The following GRM7 variants were observed in gnomAD, a reference collection of about 807,000 sequenced individuals.
GRM7 encodes metabotropic glutamate receptor 7.
A neutral mutation model predicts 84.5 loss-of-function variants in GRM7; 35 were observed. The ratio of observed to expected loss-of-function variants is 0.41; its 90% CI spans 0.32 to 0.55. The LOEUF (loss-of-function observed/expected upper bound fraction) is 0.55, where lower values mean the gene tolerates loss of function less well. GRM7 is among the 20% of genes least tolerant of loss of function. GRM7 has a pLI of 0.19. For missense variants in GRM7, 1,003 were observed against 1,194.6 expected (o/e 0.84, Z 2.36); for synonymous variants, 487 against 455.1 (o/e 1.07, Z -0.89).
chr3:7,102,644 C>G (rs1163792168), intron 1 of GRM7, among the ~76,000 whole-genome samples: 1 of 151,692 alleles, frequency 6.6e-6, no homozygotes, highest in African/African-American at 2.4e-5. Flanking sequence ...TTTTTCTACA[C>G]CATTCTGTTT....
At chr3:7,565,556 A>G (rs1385887070) in intron 7 of GRM7, among the ~76,000 whole-genome samples, 4 of 152,228 alleles carry the variant, frequency 2.6e-5, no homozygotes, top group Non-Finnish European at 5.9e-5. Flanking sequence ...GTGGGCCAGG[A>G]AACTTCATAG....
chr3:7,528,892 T>C (rs1700917771), intron 7 of GRM7, among the ~76,000 whole-genome samples: 1 of 152,078 alleles, frequency 6.6e-6, no homozygotes, highest in Non-Finnish European at 1.5e-5. Context: ...CTTGGTATGA[T>C]TTAGTTTTTT....
At chr3:7,491,801 G>T (rs1243125554) in intron 7 of GRM7, among the ~76,000 whole-genome samples, 1 of 152,190 alleles carries the variant, frequency 6.6e-6, no homozygotes, top group African/African-American at 2.4e-5. Flanking sequence ...GGAAACACTG[G>T]ATATGGTTCT....
At chr3:7,177,092 A>G (rs890344142) in intron 2 of GRM7, among the ~76,000 whole-genome samples, 5 of 151,598 alleles carry the variant, frequency 3.3e-5, no homozygotes, top group African/African-American at 1.2e-4. Context: ...ATTCTCTATC[A>G]CTTCTACAGA....
intron 1 of GRM7, among the ~76,000 whole-genome samples, chr3:7,128,915 A>C (rs1017559929): frequency 1.3e-5 from 2 of 152,126 alleles, no homozygotes; most frequent in African/African-American, 4.8e-5. Context: ...AAACTATCAT[A>C]AAGTTGCTTT....
chr3:7,665,411 G>A (rs553681720), intron 8 of GRM7, among the ~76,000 whole-genome samples: 10 of 151,874 alleles, frequency 6.6e-5, no homozygotes, highest in African/African-American at 1.7e-4. Flanking sequence ...TCCTGACCTC[G>A]TGATCCACCC....
Position 7,699,614 on chromosome 3 carries a change from A to AT in GRM7, c.2698+19327dup, listed in dbSNP as rs933945990. Among the ~76,000 whole-genome samples, 7 of 151,812 alleles carry AT rather than the reference A, an allele frequency of 4.6e-5. No homozygotes were observed. The South Asian group carries it at 6.2e-4, about 14-fold the overall frequency. ...TTCATCCATTTTCAAAAATTAGCGA[A>AT]TTTTTTTTCTTTTCTGCTACTTATT... On this transcript the variant is annotated intron_variant, in intron 9 of 9. Transcript: ENST00000357716.
intron 5 of GRM7, among the ~76,000 whole-genome samples, chr3:7,421,869 A>G (rs1320723320): frequency 6.6e-6 from 1 of 150,854 alleles, no homozygotes; most frequent in Non-Finnish European, 1.5e-5. Flanking sequence ...TTTAAAAAAT[A>G]GGGCCAAATC....
At chr3:7,440,763 G>A (rs1479404629) in intron 5 of GRM7, among the ~76,000 whole-genome samples, 1 of 152,114 alleles carries the variant, frequency 6.6e-6, no homozygotes, top group Non-Finnish European at 1.5e-5. Context: ...TTCTGTTCCT[G>A]TTTTAGTGTG....
chr3:7,240,124 T>TTTTTTTTG (rs1697498481), intron 2 of GRM7, among the ~76,000 whole-genome samples: 1 of 132,288 alleles, frequency 7.6e-6, no homozygotes, highest in African/African-American at 3.1e-5. Context: ...TGTGAGGTTT[T>TTTTTTTTG]TTTTTTTTTT....
chr3:7,526,006 C>T (rs1700792552), intron 7 of GRM7, among the ~76,000 whole-genome samples: 1 of 151,892 alleles, frequency 6.6e-6, no homozygotes, highest in Non-Finnish European at 1.5e-5. Context: ...CTGTGAAAAA[C>T]ATATGAGTAC....
At chr3:7,693,320 T>TA (rs1309395240) in intron 9 of GRM7, among the ~76,000 whole-genome samples, 4 of 152,110 alleles carry the variant, frequency 2.6e-5, no homozygotes, top group South Asian at 2.1e-4. Context: ...TTGCTAACAT[T>TA]AAAAAATGGC....
In GRM7 at chr3:6,924,699, T is replaced by C. The variant is rs566548153; in HGVS notation, c.519+62792T>C. On this transcript the variant is annotated intron_variant, in intron 1 of 9. Transcript: ENST00000357716. ...AAATTTTACATAGAAGCCAGTTTTA[T>C]AGATATATATAAACACTGTAAGAGG... is the stretch of plus-strand genomic sequence containing the variant. Among the ~76,000 whole-genome samples, 16 of 152,292 alleles carry C rather than the reference T, an allele frequency of 1.1e-4. 1 individual carries two copies. In the South Asian group the frequency reaches 3.1e-3, roughly 30 times the overall value.
At chr3:7,013,063 A>G (rs1454384004) in intron 1 of GRM7, among the ~76,000 whole-genome samples, 1 of 151,530 alleles carries the variant, frequency 6.6e-6, no homozygotes, top group Non-Finnish European at 1.5e-5. Flanking sequence ...CCAGTTTTTT[A>G]CCATTAGACC....
At position 7,043,159 on chromosome 3, in the gene GRM7, C is replaced by G. The variant is rs562437706; in HGVS notation, c.520-103293C>G. 3.9e-5 allele frequency among the ~76,000 whole-genome samples: 6 copies of G among 152,254 alleles called. No individual in the cohort carries two copies. In the South Asian group the frequency reaches 1.0e-3, roughly 26 times the overall value. ...CTGCTGTTGTTCTCTCAAATACTTTCAAGTGATTCTTTCTTGGCTTCAGGC... is the reference window on the plus strand; with the variant it reads ...CTGCTGTTGTTCTCTCAAATACTTTGAAGTGATTCTTTCTTGGCTTCAGGC... On this transcript the variant is annotated intron_variant, in intron 1 of 9. Transcript: ENST00000357716.
chr3:7,627,756 G>C (rs1697681374), intron 8 of GRM7, among the ~76,000 whole-genome samples: 1 of 152,122 alleles, frequency 6.6e-6, no homozygotes, highest in Non-Finnish European at 1.5e-5. Flanking sequence ...TTTCTTCTGA[G>C]GTTGCTCTCC....
rs145750413 is a variant in GRM7, at chr3:7,569,584, C to A, written c.1516-8838C>A. 3.3e-5 allele frequency among the ~76,000 whole-genome samples: 5 copies of A among 152,106 alleles called. No homozygotes were observed. In the South Asian group the frequency reaches 1.0e-3, roughly 32 times the overall value. On this transcript the variant is annotated intron_variant, in intron 7 of 9. Coordinates refer to ENST00000357716, the MANE Select transcript of GRM7 (RefSeq NM_000844.4). ...AACCTGCTGAGGTCCCCTTCCACGC[C>A]GTGGAAGCTTTGTTCTTTCGCTCTT...
At chr3:7,115,371 C>T (rs1692996127) in intron 1 of GRM7, among the ~76,000 whole-genome samples, 1 of 152,120 alleles carries the variant, frequency 6.6e-6, no homozygotes, top group Admixed American at 6.6e-5. Context: ...TAACATATGT[C>T]AAGCACCTGA....
At chr3:7,557,785 G>A (rs371674794) in intron 7 of GRM7, among the ~76,000 whole-genome samples, 2 of 152,118 alleles carry the variant, frequency 1.3e-5, no homozygotes, top group East Asian at 1.9e-4. Flanking sequence ...ATGGAGGCAC[G>A]AAAATGTAAA....
Sources: gnomAD v4.1 joint callset for allele counts (sites outside exome capture counted in the v4.1 genomes callset) on GRCh38, gnomAD v4.1.1 for gene constraint, MANE v1.5 for transcripts, NCBI Gene and HGNC (gene_info 2026-07-23, HGNC 2026-07-21) for gene names.